LINGO2: variants seen among roughly 807,000 people sequenced by gnomAD.
LINGO2 encodes the protein leucine-rich repeat and immunoglobulin-like domain-containing nogo receptor-interacting protein 2.
A neutral mutation model predicts 30.6 loss-of-function variants in LINGO2; 14 were observed. The observed-to-expected ratio is 0.46, with a 90% confidence interval of 0.30 to 0.72. The LOEUF (loss-of-function observed/expected upper bound fraction) is 0.72, where lower values mean the gene tolerates loss of function less well. Ranked by LOEUF, LINGO2 falls within the 30% of genes least tolerant of loss-of-function variation. LINGO2 has a pLI of 0.07. For missense variants in LINGO2, 729 were observed against 751.7 expected (o/e 0.97, Z 0.35); for synonymous variants, 317 against 288.5 (o/e 1.10, Z -1.00).
In LINGO2 at chr9:28,614,355, C is replaced by T. The variant is rs538223095; in HGVS notation, c.-365+55845G>A. 5.9e-5 allele frequency among the ~76,000 whole-genome samples: 9 copies of T among 151,920 alleles called. No individual in the cohort carries two copies. The South Asian group carries it at 6.2e-4, about 11-fold the overall frequency. On this transcript the variant is annotated intron_variant, in intron 1 of 5. Coordinates refer to ENST00000379992, the Ensembl canonical transcript of LINGO2. ...ATAGGCTTTTCATTAGTGAAAATAA[C>T]GAAAAATAACAAAGCTAAATCATTA...
chr9:28,375,230 A>T (rs1821082858), intron 2 of LINGO2, among the ~76,000 whole-genome samples: 1 of 152,136 alleles, frequency 6.6e-6, no homozygotes, highest in South Asian at 2.1e-4. Context: ...CCATACCTGA[A>T]AATGTGGATG....
chr9:28,365,200 T>A (rs1820612999), intron 3 of LINGO2, among the ~76,000 whole-genome samples: 1 of 151,858 alleles, frequency 6.6e-6, no homozygotes. Flanking sequence ...GGGAGAGGGA[T>A]GATGGCGGGA....
At chr9:28,715,955 G>C in the LINGO2 span, among the ~76,000 whole-genome samples, 11 of 151,902 alleles carry the variant, frequency 7.2e-5, no homozygotes, top group African/African-American at 2.7e-4. Flanking sequence ...ATTTGAATTT[G>C]GTAGTTGGGG....
At chr9:27,999,876 C>G (rs960614240) in intron 5 of LINGO2, among the ~76,000 whole-genome samples, 2 of 152,024 alleles carry the variant, frequency 1.3e-5, no homozygotes, top group African/African-American at 4.8e-5. Flanking sequence ...TGGCAAAAAC[C>G]ACAATCACTT....
the LINGO2 span, among the ~76,000 whole-genome samples, chr9:28,932,306 G>C: frequency 3.3e-5 from 5 of 151,730 alleles, no homozygotes; most frequent in African/African-American, 1.2e-4. Flanking sequence ...ATGTAGCATA[G>C]TTTCCTGGGC....
chr9:28,714,337 T>A, the LINGO2 span, among the ~76,000 whole-genome samples: 412 of 151,876 alleles, frequency 2.7e-3, 3 homozygotes, highest in African/African-American at 9.5e-3. Flanking sequence ...ACCAGCAGGA[T>A]CCCAATCACC....
the LINGO2 span, among the ~76,000 whole-genome samples, chr9:28,835,707 G>A: frequency 6.6e-6 from 1 of 152,106 alleles, no homozygotes; most frequent in Non-Finnish European, 1.5e-5. Flanking sequence ...TTCTTTTTCT[G>A]TTCAGAATGT....
intron 1 of LINGO2, among the ~76,000 whole-genome samples, chr9:28,639,203 G>T (rs1183364022): frequency 1.3e-5 from 2 of 152,062 alleles, no homozygotes; most frequent in African/African-American, 4.8e-5. Flanking sequence ...TATAATTTCT[G>T]TTCTTTTACA....
At chr9:28,154,525 G>T (rs889894032) in intron 4 of LINGO2, among the ~76,000 whole-genome samples, 10 of 152,098 alleles carry the variant, frequency 6.6e-5, no homozygotes, top group African/African-American at 1.9e-4. Context: ...TTCCTGTAAT[G>T]GAGGAAATGA....
chr9:29,088,838 A>G, the LINGO2 span, among the ~76,000 whole-genome samples: 1 of 152,300 alleles, frequency 6.6e-6, no homozygotes, highest in African/African-American at 2.4e-5. Flanking sequence ...TTTTTCATCA[A>G]TCTAAAATCC....
the LINGO2 span, among the ~76,000 whole-genome samples, chr9:29,098,558 T>C: frequency 6.6e-6 from 1 of 151,908 alleles, no homozygotes; most frequent in Non-Finnish European, 1.5e-5. Context: ...CAACAGTATG[T>C]GGAAGTCCCT....
chr9:28,810,462 A>T, the LINGO2 span, among the ~76,000 whole-genome samples: 1 of 152,176 alleles, frequency 6.6e-6, no homozygotes, highest in East Asian at 1.9e-4. Context: ...AGGAGATGTC[A>T]CCTCACATAC....
chr9:29,163,314 C>T, the LINGO2 span, among the ~76,000 whole-genome samples: 2 of 152,098 alleles, frequency 1.3e-5, no homozygotes, highest in African/African-American at 2.4e-5. Flanking sequence ...CTAATTCTCC[C>T]GTTTACTCCA....
chr9:28,402,270 T>C (rs1250763518), intron 2 of LINGO2, among the ~76,000 whole-genome samples: 2 of 152,178 alleles, frequency 1.3e-5, no homozygotes, highest in Non-Finnish European at 2.9e-5. Context: ...TTTTCTTTTA[T>C]TTGTATTTCC....
intron 4 of LINGO2, among the ~76,000 whole-genome samples, chr9:28,294,744 A>T (rs1823862704): frequency 6.6e-6 from 1 of 152,230 alleles, no homozygotes; most frequent in Admixed American, 6.5e-5. Context: ...ATACTTTCAA[A>T]GAAATAAAAG....
the LINGO2 span, among the ~76,000 whole-genome samples, chr9:28,871,646 C>A: frequency 6.6e-6 from 1 of 151,838 alleles, no homozygotes; most frequent in Non-Finnish European, 1.5e-5. Flanking sequence ...CATCTTCAAA[C>A]CTCTGAGGTT....
At chr9:28,947,003 T>C in the LINGO2 span, among the ~76,000 whole-genome samples, 1 of 152,164 alleles carries the variant, frequency 6.6e-6, no homozygotes, top group Non-Finnish European at 1.5e-5. Flanking sequence ...ACCTGTGTTC[T>C]GGCATTTATA....
chr9:27,949,907 T>A, exon 6 of LINGO2: 1 of 1,614,062 alleles, frequency 6.2e-7, no homozygotes, highest in East Asian at 2.2e-5. Flanking sequence ...TGTTGGTGAC[T>A]GAAAGGGATG....
intron 4 of LINGO2, among the ~76,000 whole-genome samples, chr9:28,291,594 T>C (rs1461563935): frequency 6.6e-6 from 1 of 152,190 alleles, no homozygotes; most frequent in Admixed American, 6.5e-5. Flanking sequence ...ACAAATTTTA[T>C]AGGCTTAACT....
Sources: gnomAD v4.1 joint callset for allele counts (sites outside exome capture counted in the v4.1 genomes callset) on GRCh38, gnomAD v4.1.1 for gene constraint, MANE v1.5 for transcripts, NCBI Gene and HGNC (gene_info 2026-07-23, HGNC 2026-07-21) for gene names.